KIAA1958: variants seen among roughly 807,000 people sequenced by gnomAD.
KIAA1958 encodes the protein KIAA1958, also known as uncharacterized protein KIAA1958.
A neutral mutation model predicts 47.2 loss-of-function variants in KIAA1958; 14 were observed. The observed-to-expected ratio is 0.30, with a 90% confidence interval of 0.20 to 0.46. KIAA1958 has a LOEUF of 0.46. Among genes scored for constraint, KIAA1958 ranks in the 20% least tolerant of loss-of-function variants. The pLI, the probability that KIAA1958 is intolerant of heterozygous loss-of-function variation, is 1.00. For synonymous variants in KIAA1958, 354 were observed against 353.3 expected (o/e 1.00, Z -0.02); for missense variants, 803 against 909.2 (o/e 0.88, Z 1.50).
intron 2 of KIAA1958, among the ~76,000 whole-genome samples, chr9:112,614,444 T>C (rs979436904): frequency 3.3e-5 from 5 of 152,208 alleles, no homozygotes; most frequent in Non-Finnish European, 7.4e-5. Context: ...AAGGAATGGG[T>C]CAGAAAAATT....
chr9:112,538,110 A>G (rs1350491728), intron 1 of KIAA1958, among the ~76,000 whole-genome samples: 1 of 152,130 alleles, frequency 6.6e-6, no homozygotes, highest in African/African-American at 2.4e-5. Flanking sequence ...GCAGGAGGGT[A>G]TCTTGAGCCC....
intron 1 of KIAA1958, among the ~76,000 whole-genome samples, chr9:112,511,532 G>A (rs934830723): frequency 2.6e-5 from 4 of 152,190 alleles, no homozygotes; most frequent in Admixed American, 1.3e-4. Flanking sequence ...AAAGAAGTGA[G>A]GAGAGGGCAT....
intron 2 of KIAA1958, among the ~76,000 whole-genome samples, chr9:112,629,384 G>T (rs1836671746): frequency 6.6e-6 from 1 of 152,132 alleles, no homozygotes; most frequent in South Asian, 2.1e-4. Context: ...AAACGCACGT[G>T]TGCCTGTTTC....
chr9:112,617,129 A>G (rs1836419808), intron 2 of KIAA1958, among the ~76,000 whole-genome samples: 1 of 151,056 alleles, frequency 6.6e-6, no homozygotes, highest in Admixed American at 6.6e-5. Context: ...AATAAAAAGA[A>G]ACAGTGGATC....
intron 1 of KIAA1958, among the ~76,000 whole-genome samples, chr9:112,517,867 G>A (rs1834465225): frequency 6.6e-6 from 1 of 152,206 alleles, no homozygotes; most frequent in Non-Finnish European, 1.5e-5. Context: ...AAACCAGAGT[G>A]AATTACATCT....
At chr9:112,518,610 C>T (rs1690123886) in intron 1 of KIAA1958, among the ~76,000 whole-genome samples, 1 of 152,120 alleles carries the variant, frequency 6.6e-6, no homozygotes, top group Non-Finnish European at 1.5e-5. Flanking sequence ...CTAAAGGAAA[C>T]ATTTTGGAGT....
chr9:112,538,794 C>T (rs1427750725), intron 1 of KIAA1958, among the ~76,000 whole-genome samples: 5 of 152,078 alleles, frequency 3.3e-5, no homozygotes, highest in Non-Finnish European at 7.4e-5. Flanking sequence ...AATATATTAT[C>T]TGAGATTTAT....
rs1160812457 is a variant in KIAA1958, at chr9:112,660,414, TA to T, written c.*347del. The T allele has an allele frequency of 1.2e-5, 3 of 257,390 alleles. No homozygotes were observed. Among genetic ancestry groups the T allele is most frequent in the African/African-American group, 2.2e-5 (1 of 45,860 alleles). 15.9% of individuals were successfully genotyped at this position (257,390 alleles called of 1,614,324 possible). On this transcript the variant is annotated 3_prime_UTR_variant, in exon 4 of 4. Coordinates refer to ENST00000337530, the MANE Select transcript of KIAA1958 (RefSeq NM_133465.4). ...ACAAACAAACAAAAAAGGAAACTGT[TA>T]AGTAGTCGTTTAAAAAAAAAATCCC...
At chr9:112,557,479 T>C (rs1835262856) in intron 1 of KIAA1958, among the ~76,000 whole-genome samples, 1 of 152,214 alleles carries the variant, frequency 6.6e-6, no homozygotes, top group Non-Finnish European at 1.5e-5. Context: ...AATCTAATTC[T>C]GGGATTCAGG....
At chr9:112,492,937 G>A (rs1054115073) in intron 1 of KIAA1958, among the ~76,000 whole-genome samples, 464 of 21,950 alleles carry the variant, frequency 0.021, 3 homozygotes, top group African/African-American at 0.085. Context: ...TTTTTTTTTT[G>A]TAGAGATGAG....
At chr9:112,609,937 C>T (rs1255294862) in intron 2 of KIAA1958, among the ~76,000 whole-genome samples, 1 of 152,120 alleles carries the variant, frequency 6.6e-6, no homozygotes, top group East Asian at 1.9e-4. Flanking sequence ...CCCTATTCTT[C>T]CACAGTGCAT....
At chr9:112,500,631 T>C (rs1243168987) in intron 1 of KIAA1958, among the ~76,000 whole-genome samples, 1 of 152,164 alleles carries the variant, frequency 6.6e-6, no homozygotes, top group Admixed American at 6.5e-5. Context: ...AATCATCAAA[T>C]AGATATTTTA....
At chr9:112,579,917 C>G (rs1835709247) in intron 2 of KIAA1958, among the ~76,000 whole-genome samples, 1 of 152,228 alleles carries the variant, frequency 6.6e-6, no homozygotes. Flanking sequence ...AACCAGCTTT[C>G]ACTCAGGCTC....
chr9:112,518,633 C>T lies in KIAA1958; in HGVS notation c.-25+31515C>T, dbSNP rs114031379. ...AACATTTTGGAGTGATGTGTATGTT[C>T]GTTTTTTCTAATCATGGTGATGGTT... On this transcript the variant is annotated intron_variant, in intron 1 of 3. Coordinates refer to ENST00000337530, the MANE Select transcript of KIAA1958 (RefSeq NM_133465.4). 7.9e-3 allele frequency among the ~76,000 whole-genome samples: 1,203 copies of T among 152,150 alleles called. 21 individuals carry two copies. Among genetic ancestry groups the T allele is most frequent in the African/African-American group, 0.028 (1,152 of 41,502 alleles).
At position 112,659,399 on chromosome 9, in the gene KIAA1958, T is replaced by C; in HGVS notation, c.1481T>C (p.Val494Ala). The change falls in exon 4 of 4, where the codon GTC becomes GCC. Residue 494 changes from valine (V) to alanine (A), a missense_variant. By Grantham distance (64) the Val-to-Ala change is moderately conservative (BLOSUM62 0). This residue lies in a region of KIAA1958 where 761 missense variants were observed against 829.3 expected (regional missense o/e 0.92). Coordinates refer to ENST00000337530, the MANE Select transcript of KIAA1958 (RefSeq NM_133465.4). ...GACCGCATCCTGAAGAATGCAGGTG[T>C]CGGCTTTTCCATCACCAGCAGCACC... is the stretch of plus-strand genomic sequence containing the variant. ...GLDRILKNAGVGFSITSSTFS... is the reference protein window; with the variant it reads ...GLDRILKNAGAGFSITSSTFS... 6.2e-7 allele frequency: 1 copy of C among 1,614,134 alleles called. No individual in the cohort carries two copies. The highest frequency in any genetic ancestry group is 1.1e-5 in the South Asian group (1 of 91,082).
rs147126631 is a variant in KIAA1958 at position 112,620,609 on chromosome 9, T to A, written c.1172-25041T>A. 4.4e-3 allele frequency among the ~76,000 whole-genome samples: 676 copies of A among 152,248 alleles called. 1 individual carries two copies. Among genetic ancestry groups the A allele is most frequent in the Middle Eastern group, 0.024 (7 of 294 alleles). On this transcript the variant is annotated intron_variant, in intron 2 of 3. Transcript: ENST00000337530. ...TGGAGTTAACCTCATGTTCATGACT[T>A]TTCCTCCATAGAGAAATATTCATTT...
intron 1 of KIAA1958, among the ~76,000 whole-genome samples, chr9:112,537,074 C>A (rs1335461271): frequency 6.6e-6 from 1 of 151,398 alleles, no homozygotes; most frequent in East Asian, 1.9e-4. Flanking sequence ...CCTCCCCTCC[C>A]CTCCCCTCCC....
intron 1 of KIAA1958, among the ~76,000 whole-genome samples, chr9:112,543,567 C>CTTTTTTTTTTTTT (rs138422704): frequency 3.8e-4 from 41 of 108,172 alleles, no homozygotes; most frequent in African/African-American, 1.4e-3. Flanking sequence ...TTCTGAGCTT[C>CTTTTTTTTTTTTT]TTTTTTTTTT....
intron 3 of KIAA1958, among the ~76,000 whole-genome samples, chr9:112,646,444 C>G (rs1466309807): frequency 6.6e-6 from 1 of 152,160 alleles, no homozygotes; most frequent in Admixed American, 6.5e-5. Context: ...AAAGGGAAAC[C>G]ACTGAAGTTG....
Sources: allele counts gnomAD v4.1 joint callset (sites outside exome capture counted in the v4.1 genomes callset), GRCh38; gene constraint gnomAD v4.1.1; regional missense constraint gnomAD v4.1.1; transcripts MANE v1.5; gene names NCBI Gene and HGNC (gene_info 2026-07-23, HGNC 2026-07-21).